The following FAF1 variants were observed in gnomAD, a reference collection of about 807,000 sequenced individuals.
FAF1 encodes the protein FAS-associated factor 1.
A neutral mutation model predicts 92.5 loss-of-function variants in FAF1; 25 were observed. The ratio of observed to expected loss-of-function variants is 0.27; its 90% CI spans 0.20 to 0.38. FAF1 has a LOEUF of 0.38. Among genes scored for constraint, FAF1 ranks in the 10% least tolerant of loss-of-function variants. The pLI, the probability that FAF1 is intolerant of heterozygous loss-of-function variation, is 1.00. For missense variants in FAF1, 636 were observed against 793.3 expected, an observed-to-expected ratio of 0.80 and a Z score of 2.38; for synonymous variants, 234 against 273.2, an observed-to-expected ratio of 0.86 and a Z score of 1.42.
At chr1:50,722,916 G>A (rs1255547322) in intron 6 of FAF1, among the ~76,000 whole-genome samples, 1 of 152,108 alleles carries the variant, frequency 6.6e-6, no homozygotes, top group African/African-American at 2.4e-5. Context: ...GGACTGAATT[G>A]GCTGATTGAT....
chr1:50,751,632 G>T (rs945453310), intron 4 of FAF1, among the ~76,000 whole-genome samples: 10 of 152,130 alleles, frequency 6.6e-5, no homozygotes, highest in African/African-American at 2.4e-4. Context: ...GTGAGCCACT[G>T]CACCCAGCCT....
At chr1:50,518,726 C>T (rs1647332854) in intron 15 of FAF1, among the ~76,000 whole-genome samples, 1 of 152,172 alleles carries the variant, frequency 6.6e-6, no homozygotes, top group African/African-American at 2.4e-5. Flanking sequence ...AGGCATGAGC[C>T]ACTGTGCCCA....
At chr1:50,915,285 G>A (rs149976310) in intron 1 of FAF1, among the ~76,000 whole-genome samples, 1,837 of 151,234 alleles carry the variant, frequency 0.012, 23 homozygotes, top group African/African-American at 0.042. Flanking sequence ...CACGAGAATC[G>A]CTTGAACCTG....
At chr1:50,597,539 C>T (rs1182157587) in intron 8 of FAF1, among the ~76,000 whole-genome samples, 1 of 151,964 alleles carries the variant, frequency 6.6e-6, no homozygotes, top group Non-Finnish European at 1.5e-5. Context: ...ATAATATTAA[C>T]ATTATTTTAA....
intron 15 of FAF1, among the ~76,000 whole-genome samples, chr1:50,506,972 C>T (rs947496693): frequency 9.2e-5 from 14 of 152,046 alleles, no homozygotes; most frequent in South Asian, 2.1e-4. Flanking sequence ...ATTTAAAAGA[C>T]GGCTGGAAGA....
intron 1 of FAF1, among the ~76,000 whole-genome samples, chr1:50,881,747 TA>T (rs1341953378): frequency 6.6e-6 from 1 of 152,232 alleles, no homozygotes; most frequent in Non-Finnish European, 1.5e-5. Flanking sequence ...GAGTGGTTTC[TA>T]AAACACTTGA....
intron 1 of FAF1, among the ~76,000 whole-genome samples, chr1:50,885,324 A>ACACACACACACACACACACACACTCTCT (rs1644651416): frequency 9.8e-6 from 1 of 102,214 alleles, no homozygotes; most frequent in Non-Finnish European, 2.1e-5. Flanking sequence ...ACACACACAC[A>ACACACACACACACACACACACACTCTCT]CTCTCTCTCT....
chr1:50,629,838 C>A (rs1395299728), intron 8 of FAF1, among the ~76,000 whole-genome samples: 1 of 152,054 alleles, frequency 6.6e-6, no homozygotes, highest in Non-Finnish European at 1.5e-5. Flanking sequence ...ACAGGCAGAT[C>A]ACCTGAAGTC....
rs74080082 is a variant in FAF1, at chr1:50,802,467, A to G, written c.115-790T>C. On this transcript the variant is annotated intron_variant, in intron 2 of 18. Transcript: ENST00000396153. ...GTCATTCAATAAACCTAACACCATG[A>G]CTATTAACAGGTAACAAAAGGAGGT... Among the ~76,000 whole-genome samples, 1,176 of 152,288 alleles carry G rather than the reference A, an allele frequency of 7.7e-3. 13 individuals carry two copies. Among genetic ancestry groups the G allele is most frequent in the African/African-American group, 0.027 (1,136 of 41,558 alleles).
intron 8 of FAF1, among the ~76,000 whole-genome samples, chr1:50,605,630 T>A (rs1011505632): frequency 2.6e-5 from 4 of 152,176 alleles, no homozygotes; most frequent in Non-Finnish European, 5.9e-5. Context: ...TCTTTCACAG[T>A]TCCTATCACT....
chr1:50,885,908 T>C (rs893073698), intron 1 of FAF1, among the ~76,000 whole-genome samples: 5 of 152,118 alleles, frequency 3.3e-5, no homozygotes, highest in African/African-American at 1.2e-4. Context: ...TTATAACCCA[T>C]TATCTTAAGC....
intron 7 of FAF1, among the ~76,000 whole-genome samples, chr1:50,658,109 C>T (rs537387417): frequency 8.6e-5 from 13 of 151,856 alleles, no homozygotes; most frequent in Admixed American, 3.3e-4. Context: ...TTCCACAAAC[C>T]GAGAGTGTTA....
intron 2 of FAF1, among the ~76,000 whole-genome samples, chr1:50,817,429 G>A (rs914146325): frequency 6.6e-6 from 1 of 152,188 alleles, no homozygotes; most frequent in African/African-American, 2.4e-5. Context: ...GAGGTAATGA[G>A]AGTAGTCAAA....
At chr1:50,676,917 T>C (rs1656147314) in intron 7 of FAF1, among the ~76,000 whole-genome samples, 2 of 152,188 alleles carry the variant, frequency 1.3e-5, no homozygotes, top group Admixed American at 1.3e-4. Flanking sequence ...TATGCTATGC[T>C]GCCTCTCTCC....
chr1:50,578,174 A>AT (rs1158689742), intron 12 of FAF1, among the ~76,000 whole-genome samples: 2 of 152,078 alleles, frequency 1.3e-5, no homozygotes, highest in Non-Finnish European at 2.9e-5. Context: ...TCTTGTTTTT[A>AT]TTTACTCTTG....
intron 4 of FAF1, among the ~76,000 whole-genome samples, chr1:50,760,264 A>G (rs1418054306): frequency 6.6e-6 from 1 of 152,170 alleles, no homozygotes; most frequent in African/African-American, 2.4e-5. Context: ...CACTGTCAAC[A>G]TTAGACAGAT....
intron 1 of FAF1, among the ~76,000 whole-genome samples, chr1:50,882,346 C>T (rs1359843102): frequency 6.6e-6 from 1 of 152,104 alleles, no homozygotes; most frequent in Non-Finnish European, 1.5e-5. Flanking sequence ...GTAATCCCAG[C>T]ACTTTGGGAG....
At chr1:50,656,863 T>C (rs920921785) in intron 7 of FAF1, among the ~76,000 whole-genome samples, 1 of 151,924 alleles carries the variant, frequency 6.6e-6, no homozygotes, top group African/African-American at 2.4e-5. Flanking sequence ...AGCCTGGGCA[T>C]CAGTGCGAGA....
chr1:50,819,928 C>T (rs1644028485), intron 2 of FAF1, among the ~76,000 whole-genome samples: 1 of 147,802 alleles, frequency 6.8e-6, no homozygotes, highest in African/African-American at 2.5e-5. Flanking sequence ...AAATATTTTT[C>T]CACTTTAATT....
Sources: gnomAD v4.1 joint callset for allele counts (sites outside exome capture counted in the v4.1 genomes callset) on GRCh38, gnomAD v4.1.1 for gene constraint, MANE v1.5 for transcripts, NCBI Gene and HGNC (gene_info 2026-07-23, HGNC 2026-07-21) for gene names.